ITGA9: variants seen among roughly 807,000 people sequenced by gnomAD.
ITGA9 encodes the protein integrin alpha-9.
In ITGA9, 56 loss-of-function variants were observed where a neutral mutation model predicts 127.8. The observed-to-expected ratio is 0.44, with a 90% CI of 0.35 to 0.55. The LOEUF is 0.55. Among genes scored for constraint, ITGA9 ranks in the 20% least tolerant of loss-of-function variants. The probability of loss-of-function intolerance (pLI) is 0.00; values close to 1 mark genes in which losing one functional copy is unlikely to be tolerated. For synonymous variants in ITGA9, 508 were observed against 514.5 expected (o/e 0.99, Z 0.17); for missense variants, 1,196 against 1,347.1 (o/e 0.89, Z 1.76).
Position 37,533,331 on chromosome 3 carries a change from C to T in ITGA9, c.1391C>T (p.Thr464Met), listed in dbSNP as rs748705361. The change falls in exon 14 of 28, where the codon ACG becomes ATG. Residue 464 changes from threonine (T) to methionine (M), a missense_variant. Physicochemically the swap from Thr to Met is moderately conservative, Grantham distance 81. Transcript: ENST00000264741. ...VVLLRARPVI[T>M]VDVSIFLPGS... is the part of the protein sequence containing the mutation. The stretch of plus-strand genomic sequence containing the variant: ...CCCTGCAGAGCAAGGCCTGTCATTA[C>T]GGTGGATGTCTCCATCTTCCTCCCG... The T allele has an allele frequency of 8.7e-6, 14 of 1,614,140 alleles. No homozygotes were observed. Among genetic ancestry groups the T allele is most frequent in the East Asian group, 6.7e-5 (3 of 44,888 alleles).
intron 12 of ITGA9, 135 bp downstream of exon 12, chr3:37,523,746 G>T: frequency 1.4e-6 from 1 of 738,204 alleles, no homozygotes; most frequent in South Asian, 1.5e-5. Flanking sequence ...AGGGTGTTTT[G>T]CCTGGTGTTC....
At chr3:37,753,815 C>T (rs1271049462) in intron 23 of ITGA9, 2 of 152,204 alleles carry the variant, frequency 1.3e-5, no homozygotes, top group Non-Finnish European at 2.9e-5. Flanking sequence ...AGTCTAACTA[C>T]ATGTCATGGA....
intron 18 of ITGA9, among the ~76,000 whole-genome samples, chr3:37,704,974 G>A (rs1412752582): frequency 1.3e-5 from 2 of 152,184 alleles, no homozygotes; most frequent in African/African-American, 4.8e-5. Flanking sequence ...TGTTTGCATG[G>A]TTCAGAACTA....
intron 15 of ITGA9, among the ~76,000 whole-genome samples, chr3:37,627,155 T>G (rs1219539498): frequency 1.3e-5 from 2 of 152,194 alleles, no homozygotes; most frequent in Non-Finnish European, 2.9e-5. Context: ...ATCACTCTCT[T>G]GGAGAAGTCC....
chr3:37,789,555 C>T (rs1453204459), intron 26 of ITGA9, among the ~76,000 whole-genome samples: 3 of 149,848 alleles, frequency 2.0e-5, no homozygotes, highest in African/African-American at 4.9e-5. Flanking sequence ...GTCAGGAGAT[C>T]GAGACCATCC....
chr3:37,557,309 G>A (rs1490746442), intron 15 of ITGA9, among the ~76,000 whole-genome samples: 3 of 152,192 alleles, frequency 2.0e-5, no homozygotes, highest in Non-Finnish European at 2.9e-5. Context: ...GTTACTGTGG[G>A]CCACCAGCCT....
chr3:37,784,534 A>T (rs1697015727), intron 25 of ITGA9, among the ~76,000 whole-genome samples: 1 of 152,232 alleles, frequency 6.6e-6, no homozygotes, highest in South Asian at 2.1e-4. Context: ...AAAGCAACTC[A>T]TATGAAGGGT....
chr3:37,655,418 G>A (rs534356158), intron 17 of ITGA9, among the ~76,000 whole-genome samples: 15 of 152,246 alleles, frequency 9.9e-5, no homozygotes, highest in African/African-American at 2.6e-4. Context: ...TCTCATTGTG[G>A]TTTTGATTTG....
chr3:37,622,279 C>T (rs1350194690), intron 15 of ITGA9, among the ~76,000 whole-genome samples: 1 of 151,858 alleles, frequency 6.6e-6, no homozygotes, highest in Non-Finnish European at 1.5e-5. Flanking sequence ...TTAGTAGAGA[C>T]AGGGTTTCAC....
chr3:37,471,582 C>G (rs1335526682), intron 2 of ITGA9, among the ~76,000 whole-genome samples: 1 of 152,118 alleles, frequency 6.6e-6, no homozygotes, highest in Non-Finnish European at 1.5e-5. Context: ...GGAGAGGGAG[C>G]CAGGAGAGTG....
At chr3:37,554,277 T>C (rs908741141) in intron 15 of ITGA9, among the ~76,000 whole-genome samples, 2 of 151,968 alleles carry the variant, frequency 1.3e-5, no homozygotes, top group Admixed American at 1.3e-4. Flanking sequence ...GAGCAAAGCA[T>C]GGAAGGAGGC....
intron 13 of ITGA9, among the ~76,000 whole-genome samples, chr3:37,530,550 C>T (rs1699139438): frequency 6.6e-6 from 1 of 151,992 alleles, no homozygotes; most frequent in African/African-American, 2.4e-5. Context: ...ACAATGGCAC[C>T]AGTGGCACCA....
intron 3 of ITGA9, among the ~76,000 whole-genome samples, chr3:37,474,297 T>C (rs945088585): frequency 2.1e-4 from 32 of 152,292 alleles, no homozygotes; most frequent in African/African-American, 7.5e-4. Flanking sequence ...AACTAGAAAT[T>C]CAGGTTTTTA....
chr3:37,533,122 A>AG (rs1398874915), intron 13 of ITGA9, among the ~76,000 whole-genome samples, 192 bp from the exon 14 acceptor site: 2 of 152,226 alleles, frequency 1.3e-5, no homozygotes, highest in Non-Finnish European at 2.9e-5. Flanking sequence ...TTAATTTACT[A>AG]GGCAATATGC....
intron 5 of ITGA9, among the ~76,000 whole-genome samples, chr3:37,501,941 G>C (rs1559521644): frequency 6.6e-6 from 1 of 152,194 alleles, no homozygotes; most frequent in Non-Finnish European, 1.5e-5. Context: ...TTGGAAAACA[G>C]TGTGGTCTAG....
intron 18 of ITGA9, among the ~76,000 whole-genome samples, chr3:37,713,654 A>G (rs1440686365): frequency 6.6e-6 from 1 of 152,174 alleles, no homozygotes; most frequent in African/African-American, 2.4e-5. Context: ...GGAAATCTGA[A>G]CCTGCTGCCA....
intron 26 of ITGA9, among the ~76,000 whole-genome samples, chr3:37,792,968 G>C (rs2125557643): frequency 6.6e-6 from 1 of 152,174 alleles, no homozygotes; most frequent in East Asian, 1.9e-4. Flanking sequence ...ATCCACGGTG[G>C]CACTCTGTTA....
chr3:37,640,410 G>A (rs1700320948), intron 16 of ITGA9, among the ~76,000 whole-genome samples: 1 of 152,124 alleles, frequency 6.6e-6, no homozygotes, highest in South Asian at 2.1e-4. Flanking sequence ...AGGCTTCCAG[G>A]TGACTGTCTG....
intron 1 of ITGA9, among the ~76,000 whole-genome samples, chr3:37,465,253 C>T (rs1309060731): frequency 1.3e-5 from 2 of 152,142 alleles, no homozygotes; most frequent in Admixed American, 6.5e-5. Flanking sequence ...AGAGAATTTA[C>T]CTGCAGATTA....
Sources: gnomAD v4.1 joint callset for allele counts (sites outside exome capture counted in the v4.1 genomes callset) on GRCh38, gnomAD v4.1.1 for gene constraint, MANE v1.5 for transcripts, NCBI Gene and HGNC (gene_info 2026-07-23, HGNC 2026-07-21) for gene names.